The following WWOX variants were observed in gnomAD, a reference collection of about 807,000 sequenced individuals.
WWOX encodes the protein WW domain containing oxidoreductase, also known as WW domain-containing oxidoreductase.
In WWOX, 69 loss-of-function variants were observed where a neutral mutation model predicts 46.2. The ratio of observed to expected loss-of-function variants is 1.49; its 90% CI spans 1.23 to 1.82. The LOEUF (loss-of-function observed/expected upper bound fraction) is 1.82, where lower values mean the gene tolerates loss of function less well. Ranked by LOEUF, WWOX falls within the 40% of genes most tolerant of loss-of-function variation. WWOX has a pLI of 0.00. For missense variants in WWOX, 919 were observed against 542.6 expected (o/e 1.69, Z -6.89); for synonymous variants, 359 against 202.6 (o/e 1.77, Z -6.56).
intron 8 of WWOX, among the ~76,000 whole-genome samples, chr16:79,024,880 C>T (rs148591858): frequency 6.6e-6 from 1 of 152,188 alleles, no homozygotes; most frequent in Non-Finnish European, 1.5e-5. Flanking sequence ...GCTGGAAATA[C>T]ATTTCTAAAG....
chr16:79,068,663 TAGCC>T (rs1198695491), intron 8 of WWOX, among the ~76,000 whole-genome samples: 1 of 151,246 alleles, frequency 6.6e-6, no homozygotes, highest in Non-Finnish European at 1.5e-5. Flanking sequence ...AAAAAAAAAT[TAGCC>T]AGGCGTGGGG....
intron 8 of WWOX, among the ~76,000 whole-genome samples, chr16:78,922,924 A>T (rs1169631818): frequency 6.6e-6 from 1 of 152,142 alleles, no homozygotes; most frequent in African/African-American, 2.4e-5. Context: ...ATTTGCCTAG[A>T]AATCTAACAT....
At chr16:78,572,495 TG>T (rs2044740992) in intron 8 of WWOX, among the ~76,000 whole-genome samples, 3 of 146,854 alleles carry the variant, frequency 2.0e-5, no homozygotes, top group South Asian at 4.3e-4. Context: ...CTCAGGTACT[TG>T]GGAGACTGAG....
intron 8 of WWOX, among the ~76,000 whole-genome samples, chr16:79,094,150 T>C (rs892558755): frequency 6.6e-6 from 1 of 152,138 alleles, no homozygotes; most frequent in Non-Finnish European, 1.5e-5. Context: ...TACAAACAAC[T>C]GTGCATGTAG....
chr16:78,878,160 C>T (rs907121735), intron 8 of WWOX, among the ~76,000 whole-genome samples: 1 of 152,140 alleles, frequency 6.6e-6, no homozygotes, highest in African/African-American at 2.4e-5. Context: ...TGCCTGCTTC[C>T]GAGGTGGTGC....
rs1386052021 is a variant in WWOX, at chr16:78,562,341, T to TC, written c.1056+129591dup. On this transcript the variant is annotated intron_variant, in intron 8 of 8. Transcript: ENST00000566780. ...TGCATATTCTGCATCTACTCTGAAT[T>TC]CCGCAGTGTTGTGTGTTACTATACG... 3.3e-5 allele frequency among the ~76,000 whole-genome samples: 5 copies of TC among 152,196 alleles called. No homozygotes were observed. In the East Asian group the frequency reaches 9.6e-4, roughly 29 times the overall value.
At chr16:78,187,165 A>G (rs1401952169) in intron 5 of WWOX, among the ~76,000 whole-genome samples, 2 of 152,138 alleles carry the variant, frequency 1.3e-5, no homozygotes, top group Non-Finnish European at 2.9e-5. Context: ...ACTGAGGGTA[A>G]TTGTCTTAGG....
intron 5 of WWOX, among the ~76,000 whole-genome samples, chr16:78,247,858 A>T (rs1340841168): frequency 6.6e-6 from 1 of 152,178 alleles, no homozygotes; most frequent in Non-Finnish European, 1.5e-5. Context: ...AGGAAAGAGG[A>T]CACTTATGTA....
Position 78,568,382 on chromosome 16 carries a change from A to G in WWOX, c.1056+135630A>G, listed in dbSNP as rs554136551. Among the ~76,000 whole-genome samples, 5 of 152,132 alleles carry G rather than the reference A, an allele frequency of 3.3e-5. No homozygotes were observed. The East Asian group carries it at 9.7e-4, about 29-fold the overall frequency. ...AACCGTGGCAGTACTCAGACCATTT[A>G]GAATCACTTTGAGTTATTACCAAGA... On this transcript the variant is annotated intron_variant, in intron 8 of 8. Transcript: ENST00000566780.
At chr16:78,101,344 G>GC (rs1260106714) in intron 1 of WWOX, among the ~76,000 whole-genome samples, 24 of 25,736 alleles carry the variant, frequency 9.3e-4, no homozygotes, top group African/African-American at 2.1e-3. Context: ...ACCGCTCCCG[G>GC]CCTTTTTTTT....
rs1263877025 is a variant in WWOX at position 78,422,684 on chromosome 16, T to TATATATATATATATATAC, written c.606-2185_606-2184insTATATATATATATATACA. On this transcript the variant is annotated intron_variant, in intron 6 of 8. Coordinates refer to ENST00000566780, the MANE Select transcript of WWOX (RefSeq NM_016373.4). ...ACATGTATATATATATATATATATA[T>TATATATATATATATATAC]ACACACACACACACACATATATATA... Among the ~76,000 whole-genome samples, 128 of 52,958 alleles carry TATATATATATATATATAC rather than the reference T, an allele frequency of 2.4e-3. 13 individuals carry two copies. The highest frequency in any genetic ancestry group is 8.6e-3 in the Middle Eastern group (1 of 116). The allele number at this position is 52,958 out of a possible 152,430, so 34.7% of individuals were successfully genotyped here.
chr16:79,184,324 C>G (rs1384119304), intron 8 of WWOX, among the ~76,000 whole-genome samples: 3 of 152,142 alleles, frequency 2.0e-5, no homozygotes, highest in African/African-American at 7.2e-5. Context: ...TCAACAAATG[C>G]TTTTGAACAC....
chr16:79,126,193 G>C (rs12103106), intron 8 of WWOX, among the ~76,000 whole-genome samples: 2,984 of 152,160 alleles, frequency 0.02, 120 homozygotes, highest in African/African-American at 0.068. Flanking sequence ...GTGAGCTGAG[G>C]CTTGGAACCA....
intron 8 of WWOX, among the ~76,000 whole-genome samples, chr16:79,174,939 C>G (rs1470714899): frequency 6.6e-6 from 1 of 152,226 alleles, no homozygotes; most frequent in South Asian, 2.1e-4. Context: ...TTAGCAGTAA[C>G]CCTGAGGACT....
At chr16:78,702,124 T>TG (rs777394763) in intron 8 of WWOX, among the ~76,000 whole-genome samples, 3 of 105,550 alleles carry the variant, frequency 2.8e-5, no homozygotes, top group South Asian at 2.9e-4. Flanking sequence ...ATATATATAT[T>TG]TATTTATTTT....
At chr16:79,072,962 C>G (rs1397503042) in intron 8 of WWOX, among the ~76,000 whole-genome samples, 1 of 152,052 alleles carries the variant, frequency 6.6e-6, no homozygotes, top group Non-Finnish European at 1.5e-5. Context: ...GGGTCATTGA[C>G]AAACGTCATC....
At chr16:78,713,620 C>T (rs1033210265) in intron 8 of WWOX, among the ~76,000 whole-genome samples, 1 of 152,102 alleles carries the variant, frequency 6.6e-6, no homozygotes, top group Non-Finnish European at 1.5e-5. Context: ...ACCAGGAATT[C>T]ATATGCATGG....
intron 8 of WWOX, among the ~76,000 whole-genome samples, chr16:78,954,461 A>T (rs796164623): frequency 1.3e-5 from 2 of 152,338 alleles, no homozygotes; most frequent in African/African-American, 4.8e-5. Context: ...ATGAATGGTG[A>T]AACTTTTATA....
At chr16:78,688,460 A>G (rs2047911900) in intron 8 of WWOX, among the ~76,000 whole-genome samples, 1 of 151,342 alleles carries the variant, frequency 6.6e-6, no homozygotes, top group African/African-American at 2.4e-5. Context: ...TCCTCTCTCT[A>G]TTGCATATTA....
Sources: gnomAD v4.1 joint callset for allele counts (sites outside exome capture counted in the v4.1 genomes callset) on GRCh38, gnomAD v4.1.1 for gene constraint, MANE v1.5 for transcripts, NCBI Gene and HGNC (gene_info 2026-07-23, HGNC 2026-07-21) for gene names.